The following DROSHA variants were observed in gnomAD, a reference collection of about 807,000 sequenced individuals.
DROSHA encodes drosha ribonuclease III.
In DROSHA, 56 loss-of-function variants were observed where a neutral mutation model predicts 181.9. The ratio of observed to expected loss-of-function variants is 0.31; its 90% CI spans 0.25 to 0.38. The LOEUF (loss-of-function observed/expected upper bound fraction) is 0.38. DROSHA is among the 10% of genes least tolerant of loss of function. The pLI, the probability that DROSHA is intolerant of heterozygous loss-of-function variation, is 1.00. For synonymous variants in DROSHA, 524 were observed against 591.2 expected (o/e 0.89, Z 1.65); for missense variants, 1,218 against 1,743.5 (o/e 0.70, Z 5.37).
At chr5:31,443,367 A>G (rs1580111315) in intron 23 of DROSHA, among the ~76,000 whole-genome samples, 1 of 152,112 alleles carries the variant, frequency 6.6e-6, no homozygotes, top group Non-Finnish European at 1.5e-5. Context: ...AGAAAAAAAA[A>G]ATCAAATCAA....
chr5:31,468,151 T>C (rs763989855), intron 17 of DROSHA, 88 bp from the exon 18 acceptor site: 21 of 1,451,576 alleles, frequency 1.4e-5, no homozygotes, highest in Non-Finnish European at 1.8e-5. Context: ...AAATCGGACT[T>C]TTTTCCAGGA....
intron 10 of DROSHA, among the ~76,000 whole-genome samples, chr5:31,507,615 C>CA (rs1363841495): frequency 2.7e-5 from 4 of 149,780 alleles, no homozygotes; most frequent in Admixed American, 6.6e-5. Context: ...GACCAGGTCT[C>CA]AAAAAAAACA....
rs781645230 is a variant in DROSHA, at chr5:31,526,081, G to C, written c.852C>G (p.Ser284Arg). 3 of 1,583,142 alleles carry C rather than the reference G, an allele frequency of 1.9e-6. No homozygotes were observed. The Admixed American group carries it at 5.1e-5, about 27-fold the overall frequency. Reference sequence around the variant, plus strand: ...AGAACTACACACAAGCGGTTTACCTGCTCCGTTCGTAGCTGCGGTGGCGAG... The same window carrying C: ...AGAACTACACACAAGCGGTTTACCTCCTCCGTTCGTAGCTGCGGTGGCGAG... ...TPSRHRSYER[S>R]RERERERHRH... Residue 284 changes from serine to arginine, a missense_variant and splice_region_variant, in exon 5 of 36, where the codon AGC becomes AGG. By Grantham distance (110) the Ser-to-Arg change is moderately radical. Transcript: ENST00000344624.
intron 27 of DROSHA, 116 bp downstream of exon 27, chr5:31,429,359 G>C: frequency 1.1e-6 from 1 of 926,030 alleles, no homozygotes; most frequent in Non-Finnish European, 1.6e-6. Context: ...TCCCATCTAT[G>C]GTAGATCTGA....
chr5:31,528,539 A>C (rs1483269317), intron 4 of DROSHA, among the ~76,000 whole-genome samples: 2 of 152,166 alleles, frequency 1.3e-5, no homozygotes, highest in Admixed American at 6.5e-5. Context: ...CTTATATGGC[A>C]ACTATCCCTT....
At chr5:31,428,240 T>G (rs1315641381) in intron 27 of DROSHA, among the ~76,000 whole-genome samples, 2 of 103,238 alleles carry the variant, frequency 1.9e-5, no homozygotes, top group African/African-American at 7.7e-5. Flanking sequence ...CACAGTGGAT[T>G]GGGGGATGCA....
intron 30 of DROSHA, among the ~76,000 whole-genome samples, chr5:31,420,392 G>A (rs2149994680): frequency 6.6e-6 from 1 of 152,294 alleles, no homozygotes; most frequent in Non-Finnish European, 1.5e-5. Context: ...AGATCATCAT[G>A]ACCTCCTTCT....
At chr5:31,418,016 G>C (rs557224784) in intron 30 of DROSHA, among the ~76,000 whole-genome samples, 1 of 152,310 alleles carries the variant, frequency 6.6e-6, no homozygotes, top group South Asian at 2.1e-4. Flanking sequence ...CGTAAGAACA[G>C]CAAAGGCAGG....
intron 20 of DROSHA, among the ~76,000 whole-genome samples, chr5:31,460,247 C>T (rs1561196510): frequency 6.6e-6 from 1 of 152,148 alleles, no homozygotes; most frequent in Non-Finnish European, 1.5e-5. Flanking sequence ...CAAGCAGCAA[C>T]ACAGAAAAAA....
rs1391376714 is a variant in DROSHA at position 31,514,837 on chromosome 5, G to C, written c.1290+151C>G. 1 of 663,708 alleles carries C rather than the reference G, an allele frequency of 1.5e-6. No homozygotes were observed. The highest frequency in any genetic ancestry group is 1.8e-5 in the African/African-American group (1 of 54,868). 41.1% of individuals were successfully genotyped at this position (663,708 alleles called of 1,614,324 possible). A position where few individuals can be genotyped will look rare whatever the true frequency, so the allele number is the denominator to read the frequency against. On this transcript the variant is annotated intron_variant, in intron 8 of 35. Transcript: ENST00000344624. The surrounding 1 kb of genome is among the most constrained non-coding windows in gnomAD (Gnocchi z 4.4). ...ACCACAACTGGGGAGGGGTACTACT[G>C]GCATCTAACAGGTAGAGCCCAGAGA...
At chr5:31,416,079 C>T (rs990919311) in intron 30 of DROSHA, among the ~76,000 whole-genome samples, 1 of 152,172 alleles carries the variant, frequency 6.6e-6, no homozygotes, top group Admixed American at 6.5e-5. Flanking sequence ...TACATTTGCT[C>T]AATTGTCCTT....
chr5:31,433,569 G>C (rs998557076), intron 25 of DROSHA, among the ~76,000 whole-genome samples: 1 of 151,936 alleles, frequency 6.6e-6, no homozygotes, highest in Non-Finnish European at 1.5e-5. Context: ...CTTTGAGAAG[G>C]AGTCTTGCTC....
Position 31,526,816 on chromosome 5 carries a change from C to T in DROSHA, c.117G>A (p.Leu39=). The change falls in exon 5 of 36, where the codon CTG becomes CTA. Residue 39 remains leucine (L), a synonymous_variant. Coordinates refer to ENST00000344624, the MANE Select transcript of DROSHA (RefSeq NM_001382508.1). ...PSAPSFRPQN[L]RLLHPQQPPV... Reference sequence around the variant, plus strand: ...GAGGCTGCTGAGGGTGAAGCAGCCTCAGATTTTGGGGCCTAAAGGATGGTG... The same window carrying T: ...GAGGCTGCTGAGGGTGAAGCAGCCTTAGATTTTGGGGCCTAAAGGATGGTG... The T allele has an allele frequency of 6.2e-7, 1 of 1,612,844 alleles. No homozygotes were observed. The highest frequency in any genetic ancestry group is 8.5e-7 in the Non-Finnish European group (1 of 1,179,688).
At chr5:31,436,735 G>A (rs1156938701) in intron 24 of DROSHA, among the ~76,000 whole-genome samples, 1 of 127,222 alleles carries the variant, frequency 7.9e-6, no homozygotes, top group Non-Finnish European at 1.6e-5. Context: ...AACACTTCTG[G>A]AGAGAAACAC....
At chr5:31,480,203 T>TATATATATATATATATATATAC (rs1345858192) in intron 16 of DROSHA, among the ~76,000 whole-genome samples, 11 of 140,208 alleles carry the variant, frequency 7.8e-5, no homozygotes, top group Non-Finnish European at 1.6e-4. Context: ...TATATATATA[T>TATATATATATATATATATATAC]ACTGAAAATA....
At chr5:31,468,096 T>C in intron 17 of DROSHA, 33 bp from the exon 18 acceptor site, 1 of 1,593,842 alleles carries the variant, frequency 6.3e-7, no homozygotes, top group Non-Finnish European at 8.6e-7. Context: ...TTTATTCCCA[T>C]AAGAAGTCTT....
intron 33 of DROSHA, among the ~76,000 whole-genome samples, chr5:31,408,289 T>C (rs1740887365): frequency 6.6e-6 from 1 of 152,198 alleles, no homozygotes; most frequent in African/African-American, 2.4e-5. Flanking sequence ...TGAAACAGTT[T>C]TGAAACAATC....
chr5:31,504,382 A>T (rs1253322602), intron 11 of DROSHA, among the ~76,000 whole-genome samples, 173 bp downstream of exon 11: 1 of 152,178 alleles, frequency 6.6e-6, no homozygotes, highest in Non-Finnish European at 1.5e-5. Flanking sequence ...AACATTCCCC[A>T]CTGCGCTCCC....
At chr5:31,403,478 G>A (rs12521079) in intron 35 of DROSHA, among the ~76,000 whole-genome samples, 23,616 of 151,804 alleles carry the variant, frequency 0.16, 2,012 homozygotes, top group East Asian at 0.29. Context: ...TTACTCATTG[G>A]GAAAGTACAA....
Sources: allele counts gnomAD v4.1 joint callset (sites outside exome capture counted in the v4.1 genomes callset), GRCh38; gene constraint gnomAD v4.1.1; non-coding constraint Gnocchi (gnomAD v3.1); transcripts MANE v1.5; gene names NCBI Gene and HGNC (gene_info 2026-07-23, HGNC 2026-07-21).